The following LCOR variants were observed in gnomAD, a reference collection of about 807,000 sequenced individuals.
LCOR encodes the protein ligand-dependent corepressor.
In LCOR, 14 loss-of-function variants were observed where a neutral mutation model predicts 64.4. That is an observed-to-expected ratio of 0.22 (90% CI 0.14 to 0.34). The LOEUF is 0.34. Among genes scored for constraint, LCOR ranks in the 10% least tolerant of loss-of-function variants. LCOR has a pLI of 1.00. For missense variants in LCOR, 1,686 were observed against 1,765.3 expected, an observed-to-expected ratio of 0.96 and a Z score of 0.80; for synonymous variants, 643 against 642.5, an observed-to-expected ratio of 1.00 and a Z score of -0.01.
chr10:96,939,629 T>C (rs1260982611), intron 4 of LCOR, among the ~76,000 whole-genome samples: 1 of 152,144 alleles, frequency 6.6e-6, no homozygotes, highest in Non-Finnish European at 1.5e-5. Flanking sequence ...CAAGAATTCT[T>C]ACAATGCAAC....
At chr10:96,883,512 G>T (rs1342137982) in intron 2 of LCOR, among the ~76,000 whole-genome samples, 1 of 152,296 alleles carries the variant, frequency 6.6e-6, no homozygotes, top group Middle Eastern at 3.4e-3. Flanking sequence ...ACCAGCATTT[G>T]GTGTTGTCCG....
At chr10:96,906,488 A>G (rs1001932754) in intron 2 of LCOR, among the ~76,000 whole-genome samples, 3 of 152,208 alleles carry the variant, frequency 2.0e-5, no homozygotes, top group African/African-American at 7.2e-5. Context: ...GACCCATAAG[A>G]AATTGCAAGA....
chr10:96,885,843 A>T (rs564879031), intron 2 of LCOR, among the ~76,000 whole-genome samples: 10 of 152,076 alleles, frequency 6.6e-5, no homozygotes, highest in African/African-American at 2.4e-4. Flanking sequence ...ATTTTTGTTA[A>T]AAAGGGTGCC....
At chr10:96,892,788 T>C (rs1386558498) in intron 2 of LCOR, among the ~76,000 whole-genome samples, 1 of 152,198 alleles carries the variant, frequency 6.6e-6, no homozygotes, top group African/African-American at 2.4e-5. Context: ...GGGCTTTTTC[T>C]TTTCTTTCAC....
chr10:96,933,868 T>A (rs1847305204), intron 4 of LCOR, among the ~76,000 whole-genome samples: 2 of 152,220 alleles, frequency 1.3e-5, no homozygotes, highest in African/African-American at 2.4e-5. Context: ...ACTTGGATTT[T>A]TCAATATTGA....
At chr10:96,948,961 T>C in intron 5 of LCOR, 47 bp from the exon 6 acceptor site, 1 of 1,389,612 alleles carries the variant, frequency 7.2e-7, no homozygotes, top group East Asian at 2.3e-5. Context: ...AGCTGTCTTT[T>C]TTAGTACATT....
intron 7 of LCOR, among the ~76,000 whole-genome samples, chr10:96,980,004 C>T (rs939306326): frequency 2.6e-5 from 4 of 152,068 alleles, no homozygotes; most frequent in Non-Finnish European, 4.4e-5. Context: ...ATTAGCCAGG[C>T]GTGGCGGCGT....
intron 2 of LCOR, among the ~76,000 whole-genome samples, chr10:96,858,303 C>T (rs1240427412): frequency 1.3e-5 from 2 of 152,118 alleles, no homozygotes; most frequent in East Asian, 3.9e-4. Flanking sequence ...GCATGTTACT[C>T]TGAGGTTTCT....
chr10:96,980,796 G>T lies in LCOR; in HGVS notation c.336G>T (p.Glu112Asp), dbSNP rs1221101275. 1 of 699,050 alleles carries T rather than the reference G, an allele frequency of 1.4e-6. No individual in the cohort carries two copies. Among genetic ancestry groups the T allele is most frequent in the Non-Finnish European group, 2.6e-6 (1 of 382,508 alleles). 43.3% of individuals were successfully genotyped at this position (699,050 alleles called of 1,614,324 possible). Reference protein sequence around the residue: ...PGCSSTQGNGENSTEAKAVDS... With the variant: ...PGCSSTQGNGDNSTEAKAVDS... ...TTCTTTCTCTTTCTCTGTCTAGTGAGAACTCAACAGAGGCAAAAGCAGTAG... is the reference window on the plus strand; with the variant it reads ...TTCTTTCTCTTTCTCTGTCTAGTGATAACTCAACAGAGGCAAAAGCAGTAG... The change falls in exon 8 of 8, where the codon GAG (glutamate) becomes GAT (aspartate). Residue 112 changes from glutamate to aspartate, a missense_variant. Around this residue, in one of 3 missense-constraint regions of LCOR, gnomAD observed 313 missense variants for 247.2 expected, o/e 1.27. Transcript: ENST00000421806.
At chr10:96,919,229 T>G (rs1847006654) in intron 4 of LCOR, among the ~76,000 whole-genome samples, 1 of 152,172 alleles carries the variant, frequency 6.6e-6, no homozygotes, top group Non-Finnish European at 1.5e-5. Flanking sequence ...ATATAAAAAT[T>G]AGGGTTAGAG....
chr10:96,896,028 G>A (rs1163288133), intron 2 of LCOR, among the ~76,000 whole-genome samples: 1 of 152,158 alleles, frequency 6.6e-6, no homozygotes, highest in African/African-American at 2.4e-5. Context: ...GTTACAGTGT[G>A]CTGTGATTGT....
chr10:96,867,606 T>A (rs1271769025), intron 2 of LCOR, among the ~76,000 whole-genome samples: 1 of 151,930 alleles, frequency 6.6e-6, no homozygotes, highest in Non-Finnish European at 1.5e-5. Context: ...CAAAAATATA[T>A]TTATAAGCTG....
intron 2 of LCOR, among the ~76,000 whole-genome samples, chr10:96,878,736 C>T (rs929094320): frequency 6.6e-6 from 1 of 152,162 alleles, no homozygotes; most frequent in African/African-American, 2.4e-5. Flanking sequence ...CATGATTTCT[C>T]ATTTCGTCAA....
intron 7 of LCOR, among the ~76,000 whole-genome samples, chr10:96,967,595 T>A (rs1847962591): frequency 6.6e-6 from 1 of 152,228 alleles, no homozygotes; most frequent in African/African-American, 2.4e-5. Context: ...TTCTATTAAA[T>A]GTGAGACAAA....
At chr10:96,883,695 C>T (rs759040203) in intron 2 of LCOR, among the ~76,000 whole-genome samples, 6 of 152,162 alleles carry the variant, frequency 3.9e-5, no homozygotes, top group Non-Finnish European at 8.8e-5. Flanking sequence ...GATTGTCTTC[C>T]TATTGTTGAA....
intron 2 of LCOR, among the ~76,000 whole-genome samples, chr10:96,891,212 T>G (rs933801023): frequency 2.0e-5 from 3 of 152,050 alleles, no homozygotes; most frequent in African/African-American, 7.2e-5. Context: ...TTATAGGTCT[T>G]TTCAGTTTTT....
intron 4 of LCOR, among the ~76,000 whole-genome samples, chr10:96,908,860 C>T (rs11814029): frequency 0.066 from 10,108 of 152,068 alleles, 366 homozygotes; most frequent in East Asian, 0.18. Context: ...GGACTACAGG[C>T]GCCCGCCACC....
chr10:96,873,040 T>C (rs1325412086), intron 2 of LCOR, among the ~76,000 whole-genome samples: 3 of 151,182 alleles, frequency 2.0e-5, no homozygotes, highest in Admixed American at 6.6e-5. Flanking sequence ...TAGACACAGA[T>C]AGGGTGAGCA....
chr10:96,979,736 C>A (rs1223556801), intron 7 of LCOR, among the ~76,000 whole-genome samples: 1 of 152,162 alleles, frequency 6.6e-6, no homozygotes, highest in African/African-American at 2.4e-5. Context: ...TGTCATCTCA[C>A]CATTTAAAGT....
Sources: allele counts gnomAD v4.1 joint callset (sites outside exome capture counted in the v4.1 genomes callset), GRCh38; gene constraint gnomAD v4.1.1; regional missense constraint gnomAD v4.1.1; transcripts MANE v1.5; gene names NCBI Gene and HGNC (gene_info 2026-07-23, HGNC 2026-07-21).